Variants in ADAMTSL1 observed in about 807,000 individuals in gnomAD.
ADAMTSL1 encodes ADAMTS-like protein 1.
ADAMTSL1 carries 126 observed loss-of-function variants against 201.8 expected under a neutral mutation model. The ratio of observed to expected loss-of-function variants is 0.62; its 90% CI spans 0.54 to 0.72. The LOEUF is 0.72. ADAMTSL1 is among the 30% of genes least tolerant of loss of function. The probability of loss-of-function intolerance (pLI) is 0.00; values close to 1 mark genes in which losing one functional copy is unlikely to be tolerated. For synonymous variants in ADAMTSL1, 1,121 were observed against 903.4 expected, an observed-to-expected ratio of 1.24 and a Z score of -4.32; for missense variants, 2,679 against 2,277.8, an observed-to-expected ratio of 1.18 and a Z score of -3.59.
At chr9:18,048,941 GA>G (rs1474879032) in intron 1 of ADAMTSL1, among the ~76,000 whole-genome samples, 4 of 152,132 alleles carry the variant, frequency 2.6e-5, no homozygotes, top group Admixed American at 6.5e-5. Flanking sequence ...GTATCAGCAG[GA>G]TTGTTTTCTT....
intron 18 of ADAMTSL1, 108 bp downstream of exon 18, chr9:18,776,004 G>A (rs912706190): frequency 5.0e-6 from 7 of 1,409,984 alleles, no homozygotes; most frequent in Middle Eastern, 1.9e-4. Context: ...GAAATAGTGG[G>A]ACAGTAGAAC....
In ADAMTSL1 at chr9:18,385,428, T is replaced by G. The variant is rs974840874; in HGVS notation, c.208-119401T>G. Among the ~76,000 whole-genome samples, 5 of 152,340 alleles carry G rather than the reference T, an allele frequency of 3.3e-5. No individual in the cohort carries two copies. The South Asian group carries it at 1.0e-3, about 32-fold the overall frequency. On this transcript the variant is annotated intron_variant, in intron 2 of 29. Transcript: ENST00000680146. ...AAACAATGAGGAATTTACTTTGATA[T>G]GGTTCTAAAAGATTTCTCTTACTTT...
intron 3 of ADAMTSL1, among the ~76,000 whole-genome samples, chr9:18,536,728 G>A (rs887005624): frequency 1.7e-4 from 26 of 152,154 alleles, no homozygotes; most frequent in Admixed American, 1.6e-3. Flanking sequence ...GATGCTATTG[G>A]TAGAAAATAG....
At chr9:17,943,697 G>A (rs1180276046) in intron 1 of ADAMTSL1, among the ~76,000 whole-genome samples, 1 of 151,882 alleles carries the variant, frequency 6.6e-6, no homozygotes, top group Non-Finnish European at 1.5e-5. Context: ...ATTCTTATTT[G>A]TGCTATTTTA....
At chr9:18,578,593 A>G (rs940127152) in intron 4 of ADAMTSL1, among the ~76,000 whole-genome samples, 3 of 152,234 alleles carry the variant, frequency 2.0e-5, no homozygotes, top group Non-Finnish European at 4.4e-5. Context: ...CAGTTTTGTC[A>G]TCTGCAAAAT....
chr9:17,932,488 G>C (rs2131322212), intron 1 of ADAMTSL1, among the ~76,000 whole-genome samples: 1 of 152,246 alleles, frequency 6.6e-6, no homozygotes, highest in South Asian at 2.1e-4. Flanking sequence ...ATTTCAATTA[G>C]AAAGTCTTAG....
At chr9:18,854,906 A>G (rs1053735185) in intron 23 of ADAMTSL1, among the ~76,000 whole-genome samples, 7 of 152,210 alleles carry the variant, frequency 4.6e-5, no homozygotes, top group East Asian at 3.8e-4. Context: ...GACGAAGGTT[A>G]TAATTGTAAA....
intron 2 of ADAMTSL1, among the ~76,000 whole-genome samples, chr9:18,405,132 T>C (rs543422967): frequency 2.0e-5 from 3 of 152,192 alleles, no homozygotes; most frequent in Non-Finnish European, 4.4e-5. Flanking sequence ...TATAGCTGCA[T>C]CTTTTTCTTT....
chr9:18,234,373 G>C (rs531381838), intron 2 of ADAMTSL1, among the ~76,000 whole-genome samples: 2 of 152,288 alleles, frequency 1.3e-5, no homozygotes, highest in South Asian at 4.1e-4. Context: ...GATGGCAGCA[G>C]CTGAAAATCA....
intron 17 of ADAMTSL1, among the ~76,000 whole-genome samples, chr9:18,774,375 C>G (rs1301716673): frequency 1.3e-5 from 2 of 152,050 alleles, no homozygotes; most frequent in African/African-American, 4.8e-5. Flanking sequence ...TCTGTTCTGT[C>G]AAACTGTTCT....
intron 1 of ADAMTSL1, among the ~76,000 whole-genome samples, chr9:17,968,123 C>G (rs1818051631): frequency 1.3e-5 from 2 of 152,062 alleles, no homozygotes; most frequent in South Asian, 4.1e-4. Flanking sequence ...GAAATGGAAC[C>G]TATGGATTAC....
At chr9:18,177,063 C>T (rs1053297844) in intron 2 of ADAMTSL1, among the ~76,000 whole-genome samples, 6 of 152,168 alleles carry the variant, frequency 3.9e-5, no homozygotes, top group Admixed American at 1.3e-4. Context: ...TGGATTTGAG[C>T]ATTGACATAT....
At position 18,676,661 on chromosome 9, in the gene ADAMTSL1, T is replaced by C. The variant is rs16936960; in HGVS notation, c.1136+754T>C. 9.6e-3 allele frequency among the ~76,000 whole-genome samples: 1,456 copies of C among 152,148 alleles called. 17 individuals carry two copies. The highest frequency in any genetic ancestry group is 0.032 in the African/African-American group (1,314 of 41,554). The stretch of plus-strand genomic sequence containing the variant: ...GCTCCACAGAGAGCAGAAATTAGAA[T>C]TGGGATTGAAGTAGACCTATGCTCT... On this transcript the variant is annotated intron_variant, in intron 10 of 28. Transcript: ENST00000380548.
intron 23 of ADAMTSL1, among the ~76,000 whole-genome samples, chr9:18,844,261 C>A (rs1214675462): frequency 6.6e-6 from 1 of 152,184 alleles, no homozygotes; most frequent in Non-Finnish European, 1.5e-5. Flanking sequence ...ACAGACAGGA[C>A]CCTCAGCTGC....
At chr9:18,664,835 T>C (rs1829332453) in intron 9 of ADAMTSL1, among the ~76,000 whole-genome samples, 1 of 152,092 alleles carries the variant, frequency 6.6e-6, no homozygotes, top group Non-Finnish European at 1.5e-5. Context: ...GGGTCATTTG[T>C]TGTTAAATTA....
At chr9:18,299,583 CA>C (rs1380690283) in intron 2 of ADAMTSL1, among the ~76,000 whole-genome samples, 1 of 152,126 alleles carries the variant, frequency 6.6e-6, no homozygotes, top group Admixed American at 6.6e-5. Context: ...CGTGTCCTCT[CA>C]GGGGAAGACA....
At chr9:18,852,246 C>T (rs919419345) in intron 23 of ADAMTSL1, among the ~76,000 whole-genome samples, 2 of 152,226 alleles carry the variant, frequency 1.3e-5, no homozygotes, top group South Asian at 2.1e-4. Context: ...TGGAAGTCCT[C>T]TCTGCCTTTG....
At chr9:18,741,903 C>T (rs567521550) in intron 15 of ADAMTSL1, among the ~76,000 whole-genome samples, 1 of 152,210 alleles carries the variant, frequency 6.6e-6, no homozygotes, top group Non-Finnish European at 1.5e-5. Context: ...CCTCTTCCAG[C>T]AGTGTTGCCC....
At chr9:18,155,786 T>C (rs1349719027) in intron 1 of ADAMTSL1, among the ~76,000 whole-genome samples, 1 of 151,998 alleles carries the variant, frequency 6.6e-6, no homozygotes. Context: ...CAGATAGGGA[T>C]GGCAAATTGC....
Sources: gnomAD v4.1 joint callset for allele counts (sites outside exome capture counted in the v4.1 genomes callset) on GRCh38, gnomAD v4.1.1 for gene constraint, MANE v1.5 for transcripts, NCBI Gene and HGNC (gene_info 2026-07-23, HGNC 2026-07-21) for gene names.